CSNK1G1: variants seen among roughly 807,000 people sequenced by gnomAD.
The protein encoded by CSNK1G1 is casein kinase 1 gamma 1.
CSNK1G1 carries 22 observed loss-of-function variants against 59.6 expected under a neutral mutation model. The ratio of observed to expected loss-of-function variants is 0.37; its 90% CI spans 0.26 to 0.53. The LOEUF (loss-of-function observed/expected upper bound fraction) is 0.53. Among genes scored for constraint, CSNK1G1 ranks in the 20% least tolerant of loss-of-function variants. CSNK1G1 has a pLI of 0.89. For synonymous variants in CSNK1G1, 179 were observed against 177.1 expected (o/e 1.01, Z -0.08); for missense variants, 384 against 519.5 (o/e 0.74, Z 2.54).
intron 2 of CSNK1G1, among the ~76,000 whole-genome samples, chr15:64,274,466 T>C (rs1488936981): frequency 6.6e-6 from 1 of 152,196 alleles, no homozygotes; most frequent in Non-Finnish European, 1.5e-5. Flanking sequence ...AGCCATTTAA[T>C]GGACAGAAAA....
At chr15:64,327,227 A>T (rs2140451077) in intron 1 of CSNK1G1, among the ~76,000 whole-genome samples, 1 of 152,330 alleles carries the variant, frequency 6.6e-6, no homozygotes, top group South Asian at 2.1e-4. Flanking sequence ...GGCACGGCAC[A>T]GACAAACAAA....
At chr15:64,298,860 G>A (rs562258958) in intron 2 of CSNK1G1, among the ~76,000 whole-genome samples, 25 of 149,674 alleles carry the variant, frequency 1.7e-4, no homozygotes, top group African/African-American at 4.0e-4. Flanking sequence ...GCAAGAGCCC[G>A]TCTCCACAAA....
intron 4 of CSNK1G1, 165 bp downstream of exon 4, chr15:64,251,347 A>G (rs918117053): frequency 1.8e-6 from 1 of 542,938 alleles, no homozygotes; most frequent in Non-Finnish European, 3.3e-6. Context: ...TCCAGGAACC[A>G]GAGCGCAAGT....
intron 4 of CSNK1G1, among the ~76,000 whole-genome samples, chr15:64,248,858 C>T (rs963898323): frequency 1.3e-4 from 20 of 151,882 alleles, no homozygotes; most frequent in Admixed American, 3.3e-4. Context: ...TGGTGGCTCA[C>T]GCCTGTAATC....
At chr15:64,311,319 T>C (rs912853722) in intron 1 of CSNK1G1, among the ~76,000 whole-genome samples, 2 of 152,174 alleles carry the variant, frequency 1.3e-5, no homozygotes, top group Non-Finnish European at 2.9e-5. Flanking sequence ...GTGCTGGGAT[T>C]ACAGGCATGA....
At chr15:64,235,094 G>C (rs2082597847) in intron 4 of CSNK1G1, among the ~76,000 whole-genome samples, 1 of 152,148 alleles carries the variant, frequency 6.6e-6, no homozygotes, top group African/African-American at 2.4e-5. Context: ...GAGACAAGAA[G>C]AGTTGAAAAG....
chr15:64,302,915 C>A (rs939125078), intron 1 of CSNK1G1, among the ~76,000 whole-genome samples: 1 of 152,010 alleles, frequency 6.6e-6, no homozygotes, highest in African/African-American at 2.4e-5. Flanking sequence ...CTGTTTTTTC[C>A]AACAGATGGA....
At position 64,200,232 on chromosome 15, in the gene CSNK1G1, T is replaced by G. The variant is rs974797008; in HGVS notation, c.1107+2850A>C. Among the ~76,000 whole-genome samples the G allele has an allele frequency of 6.6e-6, 1 of 151,654 alleles. No individual in the cohort carries two copies. The highest frequency in any genetic ancestry group is 6.6e-5 in the Admixed American group (1 of 15,240). On this transcript the variant is annotated intron_variant, in intron 10 of 11. Coordinates refer to ENST00000303052, the MANE Select transcript of CSNK1G1 (RefSeq NM_022048.5). The surrounding 1 kb of genome is among the most constrained non-coding windows in gnomAD (Gnocchi z 4.3). Reference sequence around the variant, plus strand: ...AGCCTTGGTGATAAGAGCTAAACTCTGTCTCAAAAAAAAAAAGAGACACAA... The same window carrying G: ...AGCCTTGGTGATAAGAGCTAAACTCGGTCTCAAAAAAAAAAAGAGACACAA...
chr15:64,318,066 A>C (rs936736689), intron 1 of CSNK1G1, among the ~76,000 whole-genome samples: 1 of 152,082 alleles, frequency 6.6e-6, no homozygotes. Flanking sequence ...TTAGGTGGGG[A>C]GTTCTTCCAG....
chr15:64,296,002 T>C (rs554761547), intron 2 of CSNK1G1, among the ~76,000 whole-genome samples: 2 of 152,334 alleles, frequency 1.3e-5, no homozygotes, highest in South Asian at 4.1e-4. Flanking sequence ...AGTGATTGTG[T>C]ATCCTGCACA....
chr15:64,259,439 A>G (rs1372199505), intron 2 of CSNK1G1, among the ~76,000 whole-genome samples, 198 bp from the exon 3 acceptor site: 1 of 151,730 alleles, frequency 6.6e-6, no homozygotes, highest in Non-Finnish European at 1.5e-5. Flanking sequence ...TAGAAATTTA[A>G]GCTATACCTG....
intron 1 of CSNK1G1, among the ~76,000 whole-genome samples, chr15:64,310,532 G>A: frequency 7.0e-6 from 1 of 143,418 alleles, no homozygotes; most frequent in East Asian, 2.1e-4. Context: ...CCTGGGTGAT[G>A]TGGTGAGACT....
intron 10 of CSNK1G1, 60 bp downstream of exon 10, chr15:64,203,022 G>C: frequency 8.2e-7 from 1 of 1,223,386 alleles, no homozygotes; most frequent in Non-Finnish European, 1.2e-6. Flanking sequence ...GAAGAATTTG[G>C]GTTTTAATAT....
At chr15:64,278,880 C>A (rs1420066443) in intron 2 of CSNK1G1, among the ~76,000 whole-genome samples, 1 of 152,088 alleles carries the variant, frequency 6.6e-6, no homozygotes, top group Non-Finnish European at 1.5e-5. Context: ...TAAAAAGGAG[C>A]AACGTTAACC....
At chr15:64,319,739 C>T (rs549503331) in intron 1 of CSNK1G1, among the ~76,000 whole-genome samples, 1 of 151,896 alleles carries the variant, frequency 6.6e-6, no homozygotes, top group South Asian at 2.1e-4. Context: ...TTAGTAGAGA[C>T]GAGGTTTCAC....
chr15:64,332,449 T>G (rs1897157664), intron 1 of CSNK1G1, among the ~76,000 whole-genome samples: 1 of 130,760 alleles, frequency 7.6e-6, no homozygotes, highest in Non-Finnish European at 1.6e-5. Flanking sequence ...CCGCATATTC[T>G]CACTCATAGG....
intron 1 of CSNK1G1, among the ~76,000 whole-genome samples, chr15:64,347,808 C>A (rs1049585371): frequency 6.6e-6 from 1 of 151,668 alleles, no homozygotes; most frequent in Non-Finnish European, 1.5e-5. Flanking sequence ...GAGATCGAGA[C>A]CATCTTGGCC....
intron 2 of CSNK1G1, among the ~76,000 whole-genome samples, chr15:64,287,082 A>G (rs1422171999): frequency 6.6e-6 from 1 of 152,142 alleles, no homozygotes; most frequent in Non-Finnish European, 1.5e-5. Context: ...TGGTATTTCA[A>G]CTATACATTT....
intron 4 of CSNK1G1, among the ~76,000 whole-genome samples, chr15:64,232,062 G>A (rs8028633): frequency 0.016 from 2,413 of 152,252 alleles, 69 homozygotes; most frequent in African/African-American, 0.055. Flanking sequence ...CACTAATGTA[G>A]AAGAGATTAC....
Sources: gnomAD v4.1 joint callset for allele counts (sites outside exome capture counted in the v4.1 genomes callset) on GRCh38, gnomAD v4.1.1 for gene constraint, Gnocchi (gnomAD v3.1) non-coding constraint, MANE v1.5 for transcripts, NCBI Gene and HGNC (gene_info 2026-07-23, HGNC 2026-07-21) for gene names.